Variants in THRB observed in about 807,000 individuals in gnomAD.
THRB encodes nuclear receptor subfamily 1 group A member 2.
In THRB, 12 loss-of-function variants were observed where a neutral mutation model predicts 47.8. That is an observed-to-expected ratio of 0.25 (90% CI 0.16 to 0.41). The LOEUF (loss-of-function observed/expected upper bound fraction) is 0.41, where lower values mean the gene tolerates loss of function less well. THRB is among the 10% of genes least tolerant of loss of function. The pLI is 1.00. For synonymous variants in THRB, 218 were observed against 212.2 expected (o/e 1.03, Z -0.24); for missense variants, 348 against 589.2 (o/e 0.59, Z 4.24).
At chr3:24,289,777 T>A (rs1457815332) in intron 3 of THRB, among the ~76,000 whole-genome samples, 1 of 152,226 alleles carries the variant, frequency 6.6e-6, no homozygotes, top group Non-Finnish European at 1.5e-5. Flanking sequence ...TTTAAATACC[T>A]TGAGGCTGAA....
chr3:24,433,269 G>A (rs186201552), intron 1 of THRB, among the ~76,000 whole-genome samples: 2 of 152,264 alleles, frequency 1.3e-5, no homozygotes, highest in African/African-American at 4.8e-5. Context: ...CTTTGCAAAT[G>A]TAGTTAAGGA....
At chr3:24,287,663 G>A (rs530660311) in intron 3 of THRB, among the ~76,000 whole-genome samples, 5 of 152,276 alleles carry the variant, frequency 3.3e-5, no homozygotes, top group African/African-American at 1.2e-4. Flanking sequence ...GAATGTTTGA[G>A]AATCTTTATT....
At chr3:24,132,918 GT>G (rs1158431513) in intron 9 of THRB, among the ~76,000 whole-genome samples, 1 of 152,182 alleles carries the variant, frequency 6.6e-6, no homozygotes, top group Non-Finnish European at 1.5e-5. Context: ...GATCTTGATT[GT>G]CCCCGTCTGA....
intron 1 of THRB, among the ~76,000 whole-genome samples, chr3:24,381,069 C>T (rs1438206697): frequency 6.8e-6 from 1 of 147,088 alleles, no homozygotes; most frequent in Non-Finnish European, 1.5e-5. Flanking sequence ...GGGCCGAGAT[C>T]ACGTCACTGC....
intron 3 of THRB, among the ~76,000 whole-genome samples, chr3:24,280,007 A>G (rs2054378972): frequency 6.6e-6 from 1 of 152,220 alleles, no homozygotes; most frequent in South Asian, 2.1e-4. Flanking sequence ...GATAGTTAAT[A>G]GGGTCCAGCG....
chr3:24,473,834 AG>A (rs1462163538), intron 1 of THRB, among the ~76,000 whole-genome samples: 4 of 152,232 alleles, frequency 2.6e-5, no homozygotes, highest in African/African-American at 9.6e-5. Flanking sequence ...AAACTATCAC[AG>A]GAACAGAAAA....
chr3:24,131,085 C>T (rs908355225), intron 9 of THRB, among the ~76,000 whole-genome samples: 1 of 152,184 alleles, frequency 6.6e-6, no homozygotes, highest in East Asian at 1.9e-4. Context: ...TATTGAGCTG[C>T]ACTCTTATGA....
intron 4 of THRB, among the ~76,000 whole-genome samples, chr3:24,216,507 C>T (rs1390134343): frequency 6.6e-6 from 1 of 152,054 alleles, no homozygotes; most frequent in African/African-American, 2.4e-5. Flanking sequence ...ACTGGGGAGG[C>T]TGAGGCAGGA....
chr3:24,132,065 T>C (rs1181470148), intron 9 of THRB, among the ~76,000 whole-genome samples: 1 of 152,210 alleles, frequency 6.6e-6, no homozygotes, highest in Non-Finnish European at 1.5e-5. Context: ...GAGGTCTCTG[T>C]GTCCCTCTGA....
intron 1 of THRB, among the ~76,000 whole-genome samples, chr3:24,460,038 ATGTTTTACCTGC>A (rs1427139860): frequency 3.3e-5 from 5 of 152,132 alleles, no homozygotes; most frequent in Non-Finnish European, 1.5e-5. Context: ...GCAGTGCCTA[ATGTTTTACCTGC>A]TGTCCTCTTT....
chr3:24,200,311 A>AT (rs1328066810), intron 4 of THRB, among the ~76,000 whole-genome samples: 1 of 152,192 alleles, frequency 6.6e-6, no homozygotes, highest in African/African-American at 2.4e-5. Flanking sequence ...GCTCCCAAAC[A>AT]TGAAATACCC....
intron 4 of THRB, among the ~76,000 whole-genome samples, chr3:24,211,425 T>C (rs1553645336): frequency 6.6e-6 from 1 of 152,196 alleles, no homozygotes; most frequent in Non-Finnish European, 1.5e-5. Context: ...TTCATTTCCC[T>C]TCATTGCTAA....
intron 1 of THRB, among the ~76,000 whole-genome samples, chr3:24,390,797 A>ATAT (rs1553743104): frequency 0.14 from 19,193 of 137,454 alleles, 1,458 homozygotes; most frequent in Non-Finnish European, 0.16. Flanking sequence ...AAAAAAAAAA[A>ATAT]ATATATATAT....
At chr3:24,183,356 CTTTTTTCTTTTCTTTT>C (rs1559534773) in intron 5 of THRB, among the ~76,000 whole-genome samples, 3 of 81,338 alleles carry the variant, frequency 3.7e-5, no homozygotes, top group East Asian at 3.5e-4. Flanking sequence ...TCTTCTTTTT[CTTTTTTCTTTTCTTTT>C]TTTTTTTTTT....
intron 1 of THRB, among the ~76,000 whole-genome samples, chr3:24,395,228 T>C (rs2066871277): frequency 1.3e-5 from 2 of 152,052 alleles, no homozygotes; most frequent in African/African-American, 4.8e-5. Context: ...TTTTTTTAGA[T>C]ATGACACCAG....
intron 1 of THRB, among the ~76,000 whole-genome samples, chr3:24,386,520 G>A (rs940705982): frequency 3.3e-5 from 5 of 151,954 alleles, no homozygotes; most frequent in Non-Finnish European, 7.4e-5. Context: ...AGGAAACTAC[G>A]GTCTAACTTT....
intron 1 of THRB, among the ~76,000 whole-genome samples, chr3:24,474,913 T>C (rs1446674093): frequency 1.3e-5 from 2 of 152,244 alleles, no homozygotes; most frequent in African/African-American, 4.8e-5. Context: ...ATTTGTCCAA[T>C]ACGCTGTAGG....
intron 5 of THRB, among the ~76,000 whole-genome samples, chr3:24,180,166 A>G (rs2041710599): frequency 6.6e-6 from 1 of 152,178 alleles, no homozygotes; most frequent in African/African-American, 2.4e-5. Flanking sequence ...GTCTTATTAT[A>G]AGAAGTTATT....
rs549363818 is a variant in THRB, at chr3:24,363,508, A to G, written c.-260-26137T>C. 2.4e-4 allele frequency among the ~76,000 whole-genome samples: 36 copies of G among 152,308 alleles called. No homozygotes were observed. The South Asian group carries it at 7.3e-3, about 31-fold the overall frequency. On this transcript the variant is annotated intron_variant, in intron 1 of 10. Coordinates refer to ENST00000646209, the MANE Select transcript of THRB (RefSeq NM_001354712.2). ...GAGCTTTCAGTGGGTCAAAGTGCTT[A>G]GTCCACAACACATTCATTTGTATGG...
Sources: allele counts gnomAD v4.1 joint callset (sites outside exome capture counted in the v4.1 genomes callset), GRCh38; gene constraint gnomAD v4.1.1; transcripts MANE v1.5; gene names NCBI Gene and HGNC (gene_info 2026-07-23, HGNC 2026-07-21).